The following LILRA2 variants were observed in gnomAD, a reference collection of about 807,000 sequenced individuals.
LILRA2 encodes leukocyte immunoglobulin like receptor A2.
A neutral mutation model predicts 47.9 loss-of-function variants in LILRA2; 45 were observed. The observed-to-expected ratio is 0.94, with a 90% CI of 0.74 to 1.20. The LOEUF (loss-of-function observed/expected upper bound fraction) is 1.20, where lower values mean the gene tolerates loss of function less well. Ranked by LOEUF, LILRA2 falls within the 50% of genes most tolerant of loss-of-function variation. The pLI is 0.00. For synonymous variants in LILRA2, 279 were observed against 249.2 expected (o/e 1.12, Z -1.13); for missense variants, 651 against 598.2 (o/e 1.09, Z -0.92).
Position 54,575,345 on chromosome 19 carries a change from G to C in LILRA2, c.745G>C (p.Gly249Arg), listed in dbSNP as rs753006012. ...GACCCTCCAGTGTGTCTCTGATGTC[G>C]GCTACGACAGATTTGTTCTGTATAA... ...SLTLQCVSDV[G>R]YDRFVLYKEG... Residue 249 changes from glycine to arginine, a missense_variant, in exon 5 of 8, where the codon GGC (glycine) becomes CGC (arginine). By Grantham distance (125) the Gly-to-Arg change is moderately radical. Transcript: ENST00000391738. The C allele has an allele frequency of 1.2e-6, 2 of 1,614,066 alleles. No individual in the cohort carries two copies. Among genetic ancestry groups the C allele is most frequent in the South Asian group, 2.2e-5 (2 of 91,086 alleles).
chr19:54,582,328 T>C (rs1317175325), intron 6 of LILRA2, among the ~76,000 whole-genome samples: 1 of 152,212 alleles, frequency 6.6e-6, no homozygotes, highest in Non-Finnish European at 1.5e-5. Flanking sequence ...TTCCATTGAC[T>C]GGAGTAGTTT....
chr19:54,577,591 C>T, intron 6 of LILRA2: 1 of 1,289,702 alleles, frequency 7.8e-7, no homozygotes, highest in Non-Finnish European at 1.0e-6. Flanking sequence ...CCCAGATGTG[C>T]TCCTTTAGAG....
intron 2 of LILRA2, 43 bp from the exon 3 acceptor site, chr19:54,574,258 G>C (rs1403437308): frequency 1.2e-6 from 2 of 1,613,708 alleles, no homozygotes; most frequent in African/African-American, 2.7e-5. Context: ...GAGATCTGTT[G>C]GGTGGGAAAT....
intron 6 of LILRA2, among the ~76,000 whole-genome samples, chr19:54,581,897 T>C (rs1448869248): frequency 2.0e-5 from 3 of 152,170 alleles, no homozygotes; most frequent in African/African-American, 7.2e-5. Context: ...TTCAGTATGA[T>C]ATTGGCTGTG....
intron 6 of LILRA2, among the ~76,000 whole-genome samples, chr19:54,584,348 A>G (rs2062733493): frequency 1.3e-5 from 2 of 152,100 alleles, no homozygotes; most frequent in Non-Finnish European, 1.5e-5. Context: ...GTTCTCCTGG[A>G]TAATATTCTG....
rs183355584 is a variant in LILRA2 at position 54,585,606 on chromosome 19, G to A, written c.1256-1404G>A. ...GTGTGAGACCTGCCGAGCCAGGCAC[G>A]GGAGGGTATCTCCTGGTCTGCCAGT... is the stretch of plus-strand genomic sequence containing the variant. On this transcript the variant is annotated intron_variant, in intron 6 of 7. Coordinates refer to ENST00000391738, the MANE Select transcript of LILRA2 (RefSeq NM_001130917.3). 5.6e-3 allele frequency among the ~76,000 whole-genome samples: 858 copies of A among 152,316 alleles called. 2 individuals are homozygous for A. Among genetic ancestry groups the A allele is most frequent in the Non-Finnish European group, 9.0e-3 (615 of 68,028 alleles).
rs372142016 is a variant in LILRA2 at position 54,575,344 on chromosome 19, C to T, written c.744C>T (p.Val248=). The change falls in exon 5 of 8, where the codon GTC becomes GTT. Residue 248 remains valine (V), a synonymous_variant. Transcript: ENST00000391738. ...ESLTLQCVSD[V]GYDRFVLYKE... ...TGACCCTCCAGTGTGTCTCTGATGTCGGCTACGACAGATTTGTTCTGTATA... is the reference window on the plus strand; with the variant it reads ...TGACCCTCCAGTGTGTCTCTGATGTTGGCTACGACAGATTTGTTCTGTATA... 3.4e-5 allele frequency: 55 copies of T among 1,614,108 alleles called. No homozygotes were observed. In the African/African-American group the frequency reaches 3.7e-4, roughly 11 times the overall value.
At chr19:54,586,227 T>C (rs1293694325) in intron 6 of LILRA2, among the ~76,000 whole-genome samples, 1 of 152,248 alleles carries the variant, frequency 6.6e-6, no homozygotes, top group Non-Finnish European at 1.5e-5. Context: ...CACATTTTTA[T>C]ATGTATTCAT....
rs1401474500 is a variant in LILRA2 at position 54,588,596 on chromosome 19, A to G, written c.*1250A>G. 1 of 145,380 alleles carries G rather than the reference A, an allele frequency of 6.9e-6. No homozygotes were observed. The highest frequency in any genetic ancestry group is 1.5e-5 in the Non-Finnish European group (1 of 66,616). 9.0% of individuals were successfully genotyped at this position (145,380 alleles called of 1,614,324 possible). ...CCTCCAGCCTGGGCGACAGAGCAAG[A>G]CTCCGTCTCAAAAAAAAAAAAAAAT... On this transcript the variant is annotated 3_prime_UTR_variant, in exon 8 of 8. Transcript: ENST00000391738.
rs377480693 is a variant in LILRA2, at chr19:54,574,281, G to A, written c.71-20G>A. 61 of 1,613,926 alleles carry A rather than the reference G, an allele frequency of 3.8e-5. No individual in the cohort carries two copies. The highest frequency in any genetic ancestry group is 6.7e-5 in the Admixed American group (4 of 59,986). ...TTGGGTGGGAAATGACTTAGAATCC[G>A]ACCTCTGATTTCCTTCCAGGGCACC... On this transcript the variant is annotated intron_variant, in intron 2 of 7. Transcript: ENST00000391738.
chr19:54,581,944 G>A (rs1214532898), intron 6 of LILRA2, among the ~76,000 whole-genome samples: 1 of 152,214 alleles, frequency 6.6e-6, no homozygotes, highest in African/African-American at 2.4e-5. Flanking sequence ...TTTGAGATAT[G>A]TTCCATCAGT....
At position 54,576,474 on chromosome 19, in the gene LILRA2, A is replaced by G. The variant is rs1026567405; in HGVS notation, c.1255+365A>G. Among the ~76,000 whole-genome samples the G allele has an allele frequency of 4.7e-4, 4 of 8,554 alleles. No individual in the cohort carries two copies. The African/African-American group carries it at 6.3e-3, about 13-fold the overall frequency. The allele number at this position is 8,554 out of a possible 152,430, so 5.6% of individuals were successfully genotyped here. A position where few individuals can be genotyped will look rare whatever the true frequency, so the allele number is the denominator to read the frequency against. ...CCTATGTCCTGACCCCATGGGTGAC[A>G]AAACCAGCCACTCCCAGCTCAAGAG... On this transcript the variant is annotated intron_variant, in intron 6 of 7. Transcript: ENST00000391738.
At position 54,573,832 on chromosome 19, in the gene LILRA2, A is replaced by C; in HGVS notation, c.-47A>C. 1.2e-6 allele frequency: 2 copies of C among 1,613,928 alleles called. No homozygotes were observed. The highest frequency in any genetic ancestry group is 1.3e-5 in the African/African-American group (1 of 74,986). On this transcript the variant is annotated 5_prime_UTR_variant, in exon 1 of 8. Transcript: ENST00000391738. Reference sequence around the variant, plus strand: ...CTGTGCGTCTCTCTGTCCTGCCAGCACTGAGGGCTCATCCATCCGCAGAGC... The same window carrying C: ...CTGTGCGTCTCTCTGTCCTGCCAGCCCTGAGGGCTCATCCATCCGCAGAGC...
intron 6 of LILRA2, among the ~76,000 whole-genome samples, chr19:54,581,781 C>A (rs1204427412): frequency 6.7e-6 from 1 of 149,456 alleles, no homozygotes; most frequent in Non-Finnish European, 1.5e-5. Context: ...CATCAAGCTA[C>A]CAATGACTTT....
chr19:54,584,363 G>A lies in LILRA2; in HGVS notation c.1256-2647G>A, dbSNP rs568029022. Among the ~76,000 whole-genome samples the A allele has an allele frequency of 3.3e-5, 5 of 152,338 alleles. No individual in the cohort carries two copies. In the South Asian group the frequency reaches 1.0e-3, roughly 32 times the overall value. On this transcript the variant is annotated intron_variant, in intron 6 of 7. Transcript: ENST00000391738. The stretch of plus-strand genomic sequence containing the variant: ...GTTCTCCTGGATAATATTCTGAAGA[G>A]TGTTTTCTAACTTGGTTCCATTCTC...
chr19:54,575,092 T>A, intron 4 of LILRA2, 59 bp downstream of exon 4: 1 of 1,584,194 alleles, frequency 6.3e-7, no homozygotes, highest in Non-Finnish European at 8.6e-7. Context: ...TCCAGGCAGG[T>A]GGGGAGCAGC....
chr19:54,577,593 C>T (rs1355283283), intron 6 of LILRA2: 4 of 1,289,562 alleles, frequency 3.1e-6, no homozygotes, highest in Non-Finnish European at 4.0e-6. Context: ...CAGATGTGCT[C>T]CTTTAGAGAG....
At position 54,574,431 on chromosome 19, in the gene LILRA2, A is replaced by T. The variant is rs1161040162; in HGVS notation, c.201A>T (p.Ala67=). The T allele has an allele frequency of 1.2e-6, 2 of 1,614,136 alleles. No individual in the cohort carries two copies. ...EYHLYRENKS[A]SWVRRIQEPG... ...ATCTATATAGGGAAAACAAATCAGC[A>T]TCCTGGGTTAGACGGATACAAGAGC... Residue 67 remains alanine, a synonymous_variant, in exon 3 of 8, where the codon GCA becomes GCT. Transcript: ENST00000391738.
At chr19:54,576,469 G>A (rs1374446175) in intron 6 of LILRA2, among the ~76,000 whole-genome samples, 1 of 141,450 alleles carries the variant, frequency 7.1e-6, no homozygotes, top group Admixed American at 7.0e-5. Context: ...GACCCCATGG[G>A]TGACAAAACC....
Sources: allele counts gnomAD v4.1 joint callset (sites outside exome capture counted in the v4.1 genomes callset), GRCh38; gene constraint gnomAD v4.1.1; transcripts MANE v1.5; gene names NCBI Gene and HGNC (gene_info 2026-07-23, HGNC 2026-07-21).